Variants in CDC123 observed in about 807,000 individuals in gnomAD.
CDC123 encodes translation initiation factor eIF2 assembly protein.
In CDC123, 37 loss-of-function variants were observed where a neutral mutation model predicts 54.4. The observed-to-expected ratio is 0.68, with a 90% CI of 0.52 to 0.89. The LOEUF (loss-of-function observed/expected upper bound fraction) is 0.89. Among genes scored for constraint, CDC123 ranks in the 40% least tolerant of loss-of-function variants. The pLI, the probability that CDC123 is intolerant of heterozygous loss-of-function variation, is 0.00. For synonymous variants in CDC123, 144 were observed against 136.8 expected (o/e 1.05, Z -0.37); for missense variants, 361 against 412.1 (o/e 0.88, Z 1.07).
chr10:12,250,469 T>C lies in CDC123; in HGVS notation c.*132T>C. 2.7e-6 allele frequency: 2 copies of C among 749,008 alleles called. No individual in the cohort carries two copies. Among genetic ancestry groups the C allele is most frequent in the Middle Eastern group, 2.3e-4 (1 of 4,378 alleles). The allele number at this position is 749,008 out of a possible 1,614,324, so 46.4% of individuals were successfully genotyped here. A position where few individuals can be genotyped will look rare whatever the true frequency, so the allele number is the denominator to read the frequency against. On this transcript the variant is annotated 3_prime_UTR_variant, in exon 13 of 13. Transcript: ENST00000281141. ...GGACATCAGCCACTTTTTATATTCA[T>C]GTACATTCACCTGGGGAAAAAAACG...
intron 11 of CDC123, among the ~76,000 whole-genome samples, chr10:12,248,076 A>T (rs755087966): frequency 6.6e-6 from 1 of 152,232 alleles, no homozygotes; most frequent in Non-Finnish European, 1.5e-5. Flanking sequence ...CTTGAGAACC[A>T]GTGTTTATAT....
At position 12,246,272 on chromosome 10, in the gene CDC123, G is replaced by A; in HGVS notation, c.841G>A (p.Glu281Lys). 2 of 1,614,124 alleles carry A rather than the reference G, an allele frequency of 1.2e-6. No homozygotes were observed. The highest frequency in any genetic ancestry group is 1.7e-6 in the Non-Finnish European group (2 of 1,180,000). The change falls in exon 11 of 13, where the codon GAG becomes AAG. Residue 281 changes from glutamate to lysine, a missense_variant. Transcript: ENST00000281141. ...CGATTTTAGTGAAGTTGACGCTCAA[G>A]AGCAGGTACAACATTTTTAAGACAG... ...NGDFSEVDAQ[E>K]QDSPAFRCTN...
intron 4 of CDC123, among the ~76,000 whole-genome samples, chr10:12,213,711 T>C (rs959216521): frequency 2.6e-5 from 4 of 152,148 alleles, no homozygotes; most frequent in African/African-American, 7.2e-5. Flanking sequence ...CTTTAATGCG[T>C]GTTGAAGATG....
intron 6 of CDC123, among the ~76,000 whole-genome samples, chr10:12,225,124 G>A (rs1200945076): frequency 2.0e-5 from 3 of 152,210 alleles, no homozygotes; most frequent in Non-Finnish European, 1.5e-5. Context: ...GCTGGGTGCG[G>A]TGGCTCACAT....
rs1836084974 is a variant in CDC123 at position 12,243,302 on chromosome 10, G to T, written c.718-2847G>T. Among the ~76,000 whole-genome samples the T allele has an allele frequency of 2.0e-5, 3 of 151,922 alleles. No individual in the cohort carries two copies. In the South Asian group the frequency reaches 6.2e-4, roughly 32 times the overall value. ...AGTCCCAGCTACTTAGGAGGTGGAG[G>T]CAGGAGAATTGCATGAACCCAGGAA... On this transcript the variant is annotated intron_variant, in intron 10 of 12. Coordinates refer to ENST00000281141, the MANE Select transcript of CDC123 (RefSeq NM_006023.3).
chr10:12,246,231 A>G lies in CDC123; in HGVS notation c.800A>G (p.Glu267Gly), dbSNP rs1450741266. ...LLFTWEELIS[E>G]NNLNGDFSEV... ...TTCACCTGGGAAGAACTGATATCTGAGAACAACTTAAACGGCGATTTTAGT... is the reference window on the plus strand; with the variant it reads ...TTCACCTGGGAAGAACTGATATCTGGGAACAACTTAAACGGCGATTTTAGT... Residue 267 changes from glutamate (E) to glycine (G), a missense_variant, in exon 11 of 13, where the codon GAG becomes GGG. By Grantham distance (98) the Glu-to-Gly change is moderately conservative (BLOSUM62 -2). Transcript: ENST00000281141. 1.9e-6 allele frequency: 3 copies of G among 1,614,084 alleles called. No individual in the cohort carries two copies. Among genetic ancestry groups the G allele is most frequent in the Non-Finnish European group, 2.5e-6 (3 of 1,180,038 alleles).
chr10:12,216,594 A>T (rs1462858014), intron 5 of CDC123, among the ~76,000 whole-genome samples: 1 of 152,140 alleles, frequency 6.6e-6, no homozygotes, highest in Non-Finnish European at 1.5e-5. Context: ...TTACTTCACC[A>T]TTTCCTACTC....
intron 6 of CDC123, among the ~76,000 whole-genome samples, chr10:12,227,282 AG>A (rs917209389): frequency 2.2e-4 from 2 of 9,182 alleles, no homozygotes; most frequent in African/African-American, 8.9e-4. Context: ...CCATGGGGAG[AG>A]GGGGAGGGGG....
intron 11 of CDC123, among the ~76,000 whole-genome samples, chr10:12,249,264 T>C (rs1367731118): frequency 6.6e-6 from 1 of 151,778 alleles, no homozygotes; most frequent in Non-Finnish European, 1.5e-5. Flanking sequence ...TACTGAGATA[T>C]TTTCTGTACT....
At chr10:12,237,491 G>C (rs1039218952) in intron 9 of CDC123, 6 of 257,224 alleles carry the variant, frequency 2.3e-5, no homozygotes, top group Middle Eastern at 1.4e-3. Flanking sequence ...CTGGAGTGCA[G>C]TGGTGCGATC....
intron 7 of CDC123, among the ~76,000 whole-genome samples, chr10:12,231,690 A>G (rs936493108): frequency 1.3e-5 from 2 of 151,286 alleles, no homozygotes; most frequent in Admixed American, 1.3e-4. Flanking sequence ...AATTTTGATG[A>G]GTTTAAACAT....
Position 12,231,707 on chromosome 10 carries a change from C to G in CDC123, c.489+711C>G, listed in dbSNP as rs1480951229. ...TTTTGATGAGTTTAAACATAGTAAG[C>G]CTCAATTTTTATTCCAGATTTTCCT... is the stretch of plus-strand genomic sequence containing the variant. On this transcript the variant is annotated intron_variant, in intron 7 of 12. Coordinates refer to ENST00000281141, the MANE Select transcript of CDC123 (RefSeq NM_006023.3). Among the ~76,000 whole-genome samples the G allele has an allele frequency of 2.6e-5, 4 of 151,604 alleles. No individual in the cohort carries two copies. The East Asian group carries it at 7.7e-4, about 29-fold the overall frequency.
At chr10:12,213,299 C>A (rs947455923) in intron 4 of CDC123, among the ~76,000 whole-genome samples, 1 of 152,204 alleles carries the variant, frequency 6.6e-6, no homozygotes, top group African/African-American at 2.4e-5. Context: ...GTCATGTGTG[C>A]CTCCTGATAC....
At chr10:12,239,295 A>T (rs1014344467) in intron 10 of CDC123, among the ~76,000 whole-genome samples, 3 of 152,176 alleles carry the variant, frequency 2.0e-5, no homozygotes, top group South Asian at 2.1e-4. Context: ...GGGATTCTTT[A>T]TTGAACAGGT....
In CDC123 at chr10:12,245,121, C is replaced by G. The variant is rs1182689290; in HGVS notation, c.718-1028C>G. 2.0e-5 allele frequency: 3 copies of G among 152,338 alleles called. No homozygotes were observed. In the East Asian group the frequency reaches 5.8e-4, roughly 29 times the overall value. The allele number at this position is 152,338 out of a possible 1,614,324, so 9.4% of individuals were successfully genotyped here. On this transcript the variant is annotated intron_variant, in intron 10 of 12. Coordinates refer to ENST00000281141, the MANE Select transcript of CDC123 (RefSeq NM_006023.3). ...TTTCCCGAGTCAGAAGCGCTGCTCTCTGGAGTCGCAGGCACTGCCTGGCTC... is the reference window on the plus strand; with the variant it reads ...TTTCCCGAGTCAGAAGCGCTGCTCTGTGGAGTCGCAGGCACTGCCTGGCTC...
Position 12,219,690 on chromosome 10 carries a change from G to GTTTT in CDC123, c.440+2234_440+2237dup, listed in dbSNP as rs56171325. Among the ~76,000 whole-genome samples the GTTTT allele has an allele frequency of 3.4e-3, 496 of 144,510 alleles. 6 individuals carry two copies. Among genetic ancestry groups the GTTTT allele is most frequent in the Middle Eastern group, 0.014 (4 of 282 alleles). The allele number at this position is 144,510 out of a possible 152,430, so 94.8% of individuals were successfully genotyped here. ...CTACTTGATAATTCAACTGATAATG[G>GTTTT]TTTTTTTTTTTTTTGACGGAGTCTC... On this transcript the variant is annotated intron_variant, in intron 6 of 12. Coordinates refer to ENST00000281141, the MANE Select transcript of CDC123 (RefSeq NM_006023.3).
chr10:12,209,850 C>A, intron 2 of CDC123, 117 bp from the exon 3 acceptor site: 1 of 937,830 alleles, frequency 1.1e-6, no homozygotes, highest in Non-Finnish European at 1.7e-6. Flanking sequence ...AGGTGTGAGC[C>A]ACCACACCTA....
At chr10:12,196,962 G>A (rs1218571550) in intron 1 of CDC123, among the ~76,000 whole-genome samples, 1 of 152,092 alleles carries the variant, frequency 6.6e-6, no homozygotes, top group Admixed American at 6.5e-5. Flanking sequence ...GAAAATCTGG[G>A]CTTTGCACTT....
intron 10 of CDC123, among the ~76,000 whole-genome samples, chr10:12,239,141 T>TA (rs914872741): frequency 6.6e-6 from 1 of 151,720 alleles, no homozygotes; most frequent in African/African-American, 2.4e-5. Flanking sequence ...GGTGACAGAG[T>TA]GAGACCCCAT....
Sources: allele counts gnomAD v4.1 joint callset (sites outside exome capture counted in the v4.1 genomes callset), GRCh38; gene constraint gnomAD v4.1.1; transcripts MANE v1.5; gene names NCBI Gene and HGNC (gene_info 2026-07-23, HGNC 2026-07-21).